Variants in RAB7A observed in about 807,000 individuals in gnomAD.
The protein encoded by RAB7A is RAB7A, member RAS oncogene family, also known as ras-related protein Rab-7a.
Under a neutral mutation model 24.5 loss-of-function variants are expected in RAB7A, and 2 were observed. The ratio of observed to expected loss-of-function variants is 0.08; its 90% CI spans 0.03 to 0.26. The LOEUF is 0.26. Ranked by LOEUF, RAB7A falls within the 10% of genes least tolerant of loss-of-function variation. RAB7A has a pLI of 1.00. For synonymous variants in RAB7A, 100 were observed against 95.9 expected, an observed-to-expected ratio of 1.04 and a Z score of -0.25; for missense variants, 118 against 255.7, an observed-to-expected ratio of 0.46 and a Z score of 3.67.
chr3:128,759,625 C>G (rs2070761068), intron 1 of RAB7A, among the ~76,000 whole-genome samples: 2 of 152,194 alleles, frequency 1.3e-5, no homozygotes, highest in Non-Finnish European at 2.9e-5. Flanking sequence ...AAGATCTCAG[C>G]TTTTGCTTGG....
intron 1 of RAB7A, among the ~76,000 whole-genome samples, chr3:128,783,693 C>T (rs186554676): frequency 1.3e-5 from 2 of 152,200 alleles, no homozygotes; most frequent in Admixed American, 1.3e-4. Flanking sequence ...GCGCCACCCC[C>T]CTGATGCTTA....
chr3:128,813,183 C>A, intron 5 of RAB7A, 144 bp from the exon 6 acceptor site: 1 of 809,928 alleles, frequency 1.2e-6, no homozygotes, highest in Non-Finnish European at 2.2e-6. Context: ...GCTCCCTTAA[C>A]TGTGTGGGCA....
intron 1 of RAB7A, chr3:128,765,113 A>G (rs941177272): frequency 1.4e-4 from 101 of 748,138 alleles, no homozygotes; most frequent in Non-Finnish European, 2.2e-4. Context: ...AAGAGGGGAC[A>G]GAGGGCTGGC....
intron 1 of RAB7A, among the ~76,000 whole-genome samples, chr3:128,764,314 ATTTC>A (rs1186597685): frequency 6.6e-6 from 1 of 151,992 alleles, no homozygotes; most frequent in Non-Finnish European, 1.5e-5. Flanking sequence ...TTGGTACCAA[ATTTC>A]TTTATTTGAA....
At chr3:128,774,803 C>A (rs189345214) in intron 1 of RAB7A, among the ~76,000 whole-genome samples, 8,133 of 152,096 alleles carry the variant, frequency 0.053, 231 homozygotes, top group Non-Finnish European at 0.058. Context: ...CGATCTCCTG[C>A]CCTCGTGATC....
chr3:128,757,801 A>G (rs1424917305), intron 1 of RAB7A, among the ~76,000 whole-genome samples: 1 of 152,098 alleles, frequency 6.6e-6, no homozygotes, highest in African/African-American at 2.4e-5. Context: ...TATAGGCATG[A>G]GCCACTGTGC....
chr3:128,764,592 C>A, intron 1 of RAB7A: 2 of 1,412,938 alleles, frequency 1.4e-6, no homozygotes, highest in Non-Finnish European at 2.0e-6. Flanking sequence ...TGGCTTTCAC[C>A]TGCTCATTCA....
At chr3:128,796,288 G>A (rs1284663379) in intron 2 of RAB7A, among the ~76,000 whole-genome samples, 3 of 152,038 alleles carry the variant, frequency 2.0e-5, no homozygotes, top group African/African-American at 7.2e-5. Context: ...AGGAGTTGGA[G>A]ACCTGTCTCT....
intron 1 of RAB7A, among the ~76,000 whole-genome samples, chr3:128,754,486 A>T (rs1273796743): frequency 2.0e-5 from 3 of 152,242 alleles, no homozygotes; most frequent in Admixed American, 6.5e-5. Context: ...ACAAAATAAG[A>T]TAATAATGCA....
At chr3:128,764,855 A>T in intron 1 of RAB7A, 1 of 1,154,324 alleles carries the variant, frequency 8.7e-7, no homozygotes, top group Non-Finnish European at 1.3e-6. Context: ...TGAAGAAAGT[A>T]TGTGGCAAAG....
chr3:128,759,634 G>C (rs931949497), intron 1 of RAB7A, among the ~76,000 whole-genome samples: 2 of 152,140 alleles, frequency 1.3e-5, no homozygotes, highest in Non-Finnish European at 2.9e-5. Context: ...GCTTTTGCTT[G>C]GGCGTTACAA....
At chr3:128,755,701 T>G (rs936742268) in intron 1 of RAB7A, among the ~76,000 whole-genome samples, 1 of 152,240 alleles carries the variant, frequency 6.6e-6, no homozygotes, top group Non-Finnish European at 1.5e-5. Context: ...GAAAGTGATA[T>G]GATTTTATTT....
At chr3:128,748,520 A>T (rs1433530448) in intron 1 of RAB7A, 1 of 152,188 alleles carries the variant, frequency 6.6e-6, no homozygotes, top group East Asian at 1.9e-4. Context: ...CTCTTGATGG[A>T]GCCTTCCTCC....
At chr3:128,764,562 G>A (rs924308390) in intron 1 of RAB7A, 14 of 1,371,498 alleles carry the variant, frequency 1.0e-5, no homozygotes, top group African/African-American at 8.6e-5. Flanking sequence ...AGTTGGTCAC[G>A]TGGTCACCCA....
chr3:128,768,458 G>T (rs2070853201), intron 1 of RAB7A, among the ~76,000 whole-genome samples: 1 of 152,168 alleles, frequency 6.6e-6, no homozygotes, highest in East Asian at 1.9e-4. Context: ...GGAGGGGAAT[G>T]GTTGGGGCAT....
Position 128,813,626 on chromosome 3 carries a change from A to C in RAB7A, c.*204A>C. On this transcript the variant is annotated 3_prime_UTR_variant, in exon 6 of 6. Coordinates refer to ENST00000265062, the MANE Select transcript of RAB7A (RefSeq NM_004637.6). ...ACGCACACACACACACACAGATCTG[A>C]CGTAATCAAACTCCAGCCCTTGCCC... The C allele has an allele frequency of 1.6e-6, 1 of 606,634 alleles. No homozygotes were observed. Among genetic ancestry groups the C allele is most frequent in the African/African-American group, 1.8e-5 (1 of 54,802 alleles). 37.6% of individuals were successfully genotyped at this position (606,634 alleles called of 1,614,324 possible). A position where few individuals can be genotyped will look rare whatever the true frequency, so the allele number is the denominator to read the frequency against.
At chr3:128,757,579 G>A (rs1559784591) in intron 1 of RAB7A, among the ~76,000 whole-genome samples, 1 of 151,218 alleles carries the variant, frequency 6.6e-6, no homozygotes. Flanking sequence ...GAGTATAGTG[G>A]CATGATCTCA....
Position 128,813,489 on chromosome 3 carries a change from T to G in RAB7A, c.*67T>G. 1 of 1,407,218 alleles carries G rather than the reference T, an allele frequency of 7.1e-7. No individual in the cohort carries two copies. Among genetic ancestry groups the G allele is most frequent in the South Asian group, 1.2e-5 (1 of 86,950 alleles). The allele number at this position is 1,407,218 out of a possible 1,614,324, so 87.2% of individuals were successfully genotyped here. ...GAACACACGTAGGCCTTCAACACAA[T>G]TCCCCTCTCCTCTTCCAAACAAAAC... On this transcript the variant is annotated 3_prime_UTR_variant, in exon 6 of 6. Transcript: ENST00000265062.
intron 1 of RAB7A, among the ~76,000 whole-genome samples, chr3:128,731,445 G>T (rs1403156720): frequency 6.6e-6 from 1 of 152,192 alleles, no homozygotes; most frequent in African/African-American, 2.4e-5. Context: ...TTAAAAAAGC[G>T]ATAACATTTT....
Sources: allele counts gnomAD v4.1 joint callset (sites outside exome capture counted in the v4.1 genomes callset), GRCh38; gene constraint gnomAD v4.1.1; transcripts MANE v1.5; gene names NCBI Gene and HGNC (gene_info 2026-07-23, HGNC 2026-07-21).